The following TCF20 variants were observed in gnomAD, a reference collection of about 807,000 sequenced individuals.
The protein encoded by TCF20 is transcription factor 20, also known as SPRE-binding protein.
Under a neutral mutation model 148.6 loss-of-function variants are expected in TCF20, and 3 were observed. The ratio of observed to expected loss-of-function variants is 0.02; its 90% CI spans 0.01 to 0.05. TCF20 has a LOEUF of 0.05. Among genes scored for constraint, TCF20 ranks in the 10% least tolerant of loss-of-function variants. The pLI is 1.00. For synonymous variants in TCF20, 1,049 were observed against 909.5 expected (o/e 1.15, Z -2.76); for missense variants, 2,350 against 2,429.3 (o/e 0.97, Z 0.69).
chr22:42,276,741 A>G (rs1926788484), intron 1 of TCF20: 1 of 152,116 alleles, frequency 6.6e-6, no homozygotes, highest in African/African-American at 2.4e-5. Context: ...TGTCTTCTGG[A>G]AGCAGCCACG....
chr22:42,214,325 A>G lies in TCF20; in HGVS notation c.981T>C (p.His327=). ...TGGCAGCGTTAGTATACTGCATCACATGCTGAGAAGGGTGTTGTTGTTGCT... is the reference window on the plus strand; with the variant it reads ...TGGCAGCGTTAGTATACTGCATCACGTGCTGAGAAGGGTGTTGTTGTTGCT... ...QPQQQQHPSQ[H]VMQYTNAATK... Residue 327 remains histidine (H), a synonymous_variant, in exon 2 of 6, where the codon CAT becomes CAC. Coordinates refer to ENST00000677622, the MANE Select transcript of TCF20 (RefSeq NM_001378418.1). 6 of 1,614,146 alleles carry G rather than the reference A, an allele frequency of 3.7e-6. 1 individual carries two copies. In the South Asian group the frequency reaches 5.5e-5, roughly 15 times the overall value.
intron 1 of TCF20, among the ~76,000 whole-genome samples, chr22:42,329,795 C>A (rs925128955): frequency 6.6e-6 from 1 of 152,102 alleles, no homozygotes; most frequent in Admixed American, 6.5e-5. Flanking sequence ...TGCCACTCCC[C>A]CCACCGAGTC....
At chr22:42,253,082 A>G (rs1370304106) in intron 1 of TCF20, among the ~76,000 whole-genome samples, 13 of 152,198 alleles carry the variant, frequency 8.5e-5, no homozygotes, top group Admixed American at 8.5e-4. Context: ...AAAAAACAAC[A>G]AAACAAAAAC....
At chr22:42,303,257 G>C (rs1027984278) in intron 1 of TCF20, among the ~76,000 whole-genome samples, 4 of 152,218 alleles carry the variant, frequency 2.6e-5, no homozygotes, top group African/African-American at 9.7e-5. Flanking sequence ...ATGTCCCCTT[G>C]TGCCAGGTTC....
In TCF20 at chr22:42,213,980, C is replaced by G. The variant is rs1477660075; in HGVS notation, c.1326G>C (p.Gly442=). ...GATCTGTCAGTCGCTTTTCTGGTACCCCTTCTAGTCCAAACCCTTTGAAGC... is the reference window on the plus strand; with the variant it reads ...GATCTGTCAGTCGCTTTTCTGGTACGCCTTCTAGTCCAAACCCTTTGAAGC... ...AAGFKGFGLE[G]VPEKRLTDPG... The change falls in exon 2 of 6, where the codon GGG becomes GGC. Residue 442 remains glycine, a synonymous_variant. Transcript: ENST00000677622. The G allele has an allele frequency of 1.2e-6, 2 of 1,614,126 alleles. No individual in the cohort carries two copies. The highest frequency in any genetic ancestry group is 1.7e-5 in the Admixed American group (1 of 60,018).
At position 42,211,897 on chromosome 22, in the gene TCF20, TCA is replaced by T; in HGVS notation, c.3407_3408del (p.Leu1136GlnfsTer3). 2 of 1,614,176 alleles carry T rather than the reference TCA, an allele frequency of 1.2e-6. No individual in the cohort carries two copies. Among genetic ancestry groups the T allele is most frequent in the Non-Finnish European group, 1.7e-6 (2 of 1,180,032 alleles). The part of the protein sequence containing the change: ...QQFLDRVRSP[L>X]KNDKDGMMYG... ...TACATCATACCATCTTTGTCATTTT[TCA>T]GAGGGCTCCGTACTCTGTCAAGAAA... On this transcript the variant is annotated frameshift_variant, in exon 2 of 6. Transcript: ENST00000677622. LOFTEE classifies it high-confidence loss of function.
chr22:42,268,240 G>T (rs943836351), intron 1 of TCF20, among the ~76,000 whole-genome samples: 1 of 151,794 alleles, frequency 6.6e-6, no homozygotes, highest in African/African-American at 2.4e-5. Flanking sequence ...TAACATATTG[G>T]GCTCATATCC....
rs1227271328 is a variant in TCF20, at chr22:42,181,615, T to TA, written c.5656-1914dup. ...CCCCCAACCTTTTTTTTTTTTTTTTTAATATATTTTGAGACGATGTCTTGC... is the reference window on the plus strand; with the variant it reads ...CCCCCAACCTTTTTTTTTTTTTTTTTAAATATATTTTGAGACGATGTCTTGC... On this transcript the variant is annotated intron_variant, in intron 2 of 5. Coordinates refer to ENST00000677622, the MANE Select transcript of TCF20 (RefSeq NM_001378418.1). Among the ~76,000 whole-genome samples the TA allele has an allele frequency of 1.7e-3, 248 of 149,308 alleles. 1 individual carries two copies. Among genetic ancestry groups the TA allele is most frequent in the African/African-American group, 4.4e-3 (178 of 40,438 alleles).
intron 4 of TCF20, among the ~76,000 whole-genome samples, chr22:42,168,954 A>C (rs187456824): frequency 1.3e-5 from 2 of 152,164 alleles, no homozygotes; most frequent in Admixed American, 1.3e-4. Flanking sequence ...TTAAGTAAAA[A>C]TAAAGAGAAT....
chr22:42,309,813 G>A (rs994188945), intron 1 of TCF20, among the ~76,000 whole-genome samples: 1 of 152,194 alleles, frequency 6.6e-6, no homozygotes, highest in Admixed American at 6.5e-5. Flanking sequence ...GCAGAATAGG[G>A]GTGACACCAG....
intron 1 of TCF20, among the ~76,000 whole-genome samples, chr22:42,243,176 G>A (rs753005679): frequency 1.6e-4 from 24 of 151,312 alleles, no homozygotes; most frequent in Non-Finnish European, 2.2e-4. Context: ...AACAAAGAAT[G>A]AACTCAAGTC....
intron 1 of TCF20, among the ~76,000 whole-genome samples, chr22:42,263,796 C>T (rs920635632): frequency 1.4e-4 from 22 of 152,238 alleles, no homozygotes; most frequent in African/African-American, 5.3e-4. Flanking sequence ...TAAGCGAGTA[C>T]ATTAACACCC....
chr22:42,212,889 T>C lies in TCF20; in HGVS notation c.2417A>G (p.Lys806Arg), dbSNP rs1334560745. ...NELASRGLLNKSIGSLLENPH... is the reference protein window; with the variant it reads ...NELASRGLLNRSIGSLLENPH... ...ATTTTCTAATAGAGACCCAATGCTTTTGTTCAGAAGGCCCCTGCTAGCTAA... is the reference window on the plus strand; with the variant it reads ...ATTTTCTAATAGAGACCCAATGCTTCTGTTCAGAAGGCCCCTGCTAGCTAA... The change falls in exon 2 of 6, where the codon AAA becomes AGA. Residue 806 changes from lysine (K) to arginine (R), a missense_variant. Coordinates refer to ENST00000677622, the MANE Select transcript of TCF20 (RefSeq NM_001378418.1). The C allele has an allele frequency of 6.2e-7, 1 of 1,614,176 alleles. No individual in the cohort carries two copies. The highest frequency in any genetic ancestry group is 1.1e-5 in the South Asian group (1 of 91,084).
At chr22:42,273,069 G>C (rs2147007848), upstream of TCF20, among the ~76,000 whole-genome samples, 1 of 152,168 alleles carries the variant, frequency 6.6e-6, no homozygotes, top group South Asian at 2.1e-4. Context: ...ACTCTCAAGA[G>C]AGCTGCATAG....
chr22:42,199,108 T>C (rs1410871932), intron 2 of TCF20, among the ~76,000 whole-genome samples: 1 of 152,256 alleles, frequency 6.6e-6, no homozygotes, highest in African/African-American at 2.4e-5. Flanking sequence ...TATGTTGGGT[T>C]ATCAGGATTG....
Position 42,211,537 on chromosome 22 carries a change from C to A in TCF20, c.3769G>T (p.Val1257Phe). 6.2e-7 allele frequency: 1 copy of A among 1,614,190 alleles called. No individual in the cohort carries two copies. The highest frequency in any genetic ancestry group is 8.5e-7 in the Non-Finnish European group (1 of 1,180,028). Residue 1257 changes from valine to phenylalanine, a missense_variant, in exon 2 of 6, where the codon GTT becomes TTT. Physicochemically the swap from Val to Phe is conservative, Grantham distance 50 (BLOSUM62 -1). Transcript: ENST00000677622. ...GGAATGGGAGAGATAAAAGAACGAACACGCCTCCTCATGATTAAGGGGTTT... is the reference window on the plus strand; with the variant it reads ...GGAATGGGAGAGATAAAAGAACGAAAACGCCTCCTCATGATTAAGGGGTTT... ...SQNPLIMRRR[V>F]RSFISPIPSK...
intron 1 of TCF20, among the ~76,000 whole-genome samples, chr22:42,255,230 T>TA (rs1464036319): frequency 6.6e-6 from 1 of 152,146 alleles, no homozygotes; most frequent in Non-Finnish European, 1.5e-5. Flanking sequence ...CTCATGCCTG[T>TA]AATCCCAGCA....
At chr22:42,307,184 G>A (rs971692241) in intron 1 of TCF20, among the ~76,000 whole-genome samples, 11 of 152,280 alleles carry the variant, frequency 7.2e-5, no homozygotes, top group East Asian at 1.9e-4. Context: ...AGCAGAGGAC[G>A]CCGGCTGCAG....
In TCF20 at chr22:42,160,021, A is replaced by G. The variant is rs1172368314; in HGVS notation, c.*1382T>C. The G allele has an allele frequency of 6.5e-6, 1 of 152,672 alleles. No homozygotes were observed. The highest frequency in any genetic ancestry group is 2.1e-4 in the South Asian group (1 of 4,828). The allele number at this position is 152,672 out of a possible 1,614,324, so 9.5% of individuals were successfully genotyped here. ...GTAAACAGAAGAGGAAACAAGGTTA[A>G]AATGAAGTTTATTATTTTTTTGATT... On this transcript the variant is annotated 3_prime_UTR_variant, in exon 6 of 6. Coordinates refer to ENST00000677622, the MANE Select transcript of TCF20 (RefSeq NM_001378418.1).
Sources: allele counts gnomAD v4.1 joint callset (sites outside exome capture counted in the v4.1 genomes callset), GRCh38; gene constraint gnomAD v4.1.1; transcripts MANE v1.5; gene names NCBI Gene and HGNC (gene_info 2026-07-23, HGNC 2026-07-21).